Variants in SLC14A2 observed in about 807,000 individuals in gnomAD.
SLC14A2 encodes solute carrier family 14 member 2.
A neutral mutation model predicts 104.6 loss-of-function variants in SLC14A2; 91 were observed. That is an observed-to-expected ratio of 0.87 (90% CI 0.73 to 1.04). The LOEUF (loss-of-function observed/expected upper bound fraction) is 1.04. Among genes scored for constraint, SLC14A2 ranks in the 50% least tolerant of loss-of-function variants. The pLI is 0.00. For missense variants in SLC14A2, 1,189 were observed against 1,156.0 expected, an observed-to-expected ratio of 1.03 and a Z score of -0.41; for synonymous variants, 476 against 466.4, an observed-to-expected ratio of 1.02 and a Z score of -0.27.
chr18:45,317,966 G>T (rs1381665864), intron 1 of SLC14A2, among the ~76,000 whole-genome samples: 1 of 152,040 alleles, frequency 6.6e-6, no homozygotes, highest in Non-Finnish European at 1.5e-5. Flanking sequence ...CCCACCTTTG[G>T]AGCCCCACCT....
At chr18:45,192,368 G>A in the SLC14A2 span, among the ~76,000 whole-genome samples, 1 of 152,160 alleles carries the variant, frequency 6.6e-6, no homozygotes, top group East Asian at 1.9e-4. Context: ...TACCAATAAA[G>A]CTGCTGTGAG....
At chr18:45,271,544 A>G (rs2084650614) in intron 1 of SLC14A2, among the ~76,000 whole-genome samples, 1 of 152,144 alleles carries the variant, frequency 6.6e-6, no homozygotes, top group South Asian at 2.1e-4. Flanking sequence ...ACAAATCAAA[A>G]AGTAATCCCT....
chr18:45,376,473 C>T (rs1318849756), intron 1 of SLC14A2, among the ~76,000 whole-genome samples: 1 of 152,146 alleles, frequency 6.6e-6, no homozygotes, highest in East Asian at 1.9e-4. Flanking sequence ...TGCTTGTGCT[C>T]AGATTCTGCT....
At chr18:45,411,288 T>C (rs1334707700) in intron 1 of SLC14A2, among the ~76,000 whole-genome samples, 1 of 152,240 alleles carries the variant, frequency 6.6e-6, no homozygotes, top group Non-Finnish European at 1.5e-5. Flanking sequence ...TTTAGCCTGG[T>C]AATCTCACCA....
At chr18:45,312,378 G>T (rs189376245) in intron 1 of SLC14A2, among the ~76,000 whole-genome samples, 7 of 138,660 alleles carry the variant, frequency 5.0e-5, no homozygotes, top group African/African-American at 1.8e-4. Context: ...GCTACCTTCA[G>T]ACTAGAAAAA....
At chr18:45,205,334 G>A in the SLC14A2 span, among the ~76,000 whole-genome samples, 1 of 152,208 alleles carries the variant, frequency 6.6e-6, no homozygotes, top group Non-Finnish European at 1.5e-5. Flanking sequence ...AGCCAGTGTG[G>A]GAAGGATGGG....
chr18:45,192,643 TTTTGTTTTG>T, the SLC14A2 span, among the ~76,000 whole-genome samples: 25 of 59,412 alleles, frequency 4.2e-4, no homozygotes, highest in African/African-American at 1.4e-3. Context: ...TGTGGTTTTT[TTTTGTTTTG>T]TTTTGTTTTG....
chr18:45,248,165 A>G (rs1054877399), intron 1 of SLC14A2, among the ~76,000 whole-genome samples: 7 of 152,120 alleles, frequency 4.6e-5, no homozygotes, highest in African/African-American at 1.7e-4. Flanking sequence ...AGAGGAAGGA[A>G]ATGTAGGGAG....
chr18:45,667,778 C>G (rs1040978347), intron 13 of SLC14A2, 55 bp from the exon 14 acceptor site: 7 of 1,488,694 alleles, frequency 4.7e-6, no homozygotes, highest in Middle Eastern at 1.9e-4. Context: ...CATCTGCCCA[C>G]CCAGGGCTGC....
chr18:45,258,336 G>A (rs1211851764), intron 1 of SLC14A2, among the ~76,000 whole-genome samples: 1 of 142,160 alleles, frequency 7.0e-6, no homozygotes, highest in African/African-American at 2.8e-5. Context: ...AGAAGTGCCC[G>A]AATCTCACAG....
rs541145167 is a variant in SLC14A2, at chr18:45,568,232, C to G, written c.-34-56399C>G. On this transcript the variant is annotated intron_variant, in intron 2 of 20. Transcript: ENST00000586448. The stretch of plus-strand genomic sequence containing the variant: ...AGGCTTGTGCCTTGCCCCCGCCTCA[C>G]CTCACCCACCTAATGAGCTTCATGG... Among the ~76,000 whole-genome samples, 48 of 152,330 alleles carry G rather than the reference C, an allele frequency of 3.2e-4. 3 individuals carry two copies. In the South Asian group the frequency reaches 9.1e-3, roughly 29 times the overall value.
At chr18:45,539,305 T>C (rs928903987) in intron 2 of SLC14A2, among the ~76,000 whole-genome samples, 3 of 152,138 alleles carry the variant, frequency 2.0e-5, no homozygotes, top group Non-Finnish European at 4.4e-5. Flanking sequence ...TCTTCTCCCC[T>C]ACCCTGGGCT....
chr18:45,669,900 A>G (rs1568003327), intron 16 of SLC14A2, among the ~76,000 whole-genome samples: 1 of 152,232 alleles, frequency 6.6e-6, no homozygotes, highest in East Asian at 1.9e-4. Context: ...GAATCATTCA[A>G]GTCGTACACA....
upstream of SLC14A2, among the ~76,000 whole-genome samples, chr18:45,211,231 T>C (rs62092116): frequency 5.9e-4 from 90 of 152,296 alleles, no homozygotes; most frequent in Non-Finnish European, 1.1e-3. Context: ...ACCAACATAT[T>C]TTCCCAGTGC....
chr18:45,622,146 G>T (rs56237282), intron 1 of SLC14A2, among the ~76,000 whole-genome samples: 1 of 152,118 alleles, frequency 6.6e-6, no homozygotes, highest in Admixed American at 6.5e-5. Context: ...TCTTCCCTGC[G>T]GGGCATGGCT....
intron 2 of SLC14A2, among the ~76,000 whole-genome samples, chr18:45,497,636 G>C (rs954662964): frequency 6.6e-6 from 1 of 152,154 alleles, no homozygotes; most frequent in African/African-American, 2.4e-5. Context: ...GTGCAGCAGC[G>C]GGCTGACAAT....
At chr18:45,391,622 C>G (rs920715408) in intron 1 of SLC14A2, among the ~76,000 whole-genome samples, 4 of 152,206 alleles carry the variant, frequency 2.6e-5, no homozygotes, top group Non-Finnish European at 5.9e-5. Flanking sequence ...ACCATTCTAA[C>G]TGGTGTGAGA....
intron 2 of SLC14A2, among the ~76,000 whole-genome samples, chr18:45,554,421 G>A (rs2044101063): frequency 6.6e-6 from 1 of 152,166 alleles, no homozygotes; most frequent in Non-Finnish European, 1.5e-5. Context: ...TTCTGGGGAA[G>A]GCCATGGGTA....
chr18:45,268,829 T>C (rs185879360), intron 1 of SLC14A2, among the ~76,000 whole-genome samples: 4 of 152,178 alleles, frequency 2.6e-5, no homozygotes, highest in Admixed American at 2.6e-4. Context: ...CTATGAGAGT[T>C]ATTGAGAAAG....
Sources: gnomAD v4.1 joint callset for allele counts (sites outside exome capture counted in the v4.1 genomes callset) on GRCh38, gnomAD v4.1.1 for gene constraint, MANE v1.5 for transcripts, NCBI Gene and HGNC (gene_info 2026-07-23, HGNC 2026-07-21) for gene names.